The following ARL10 variants were observed in gnomAD, a reference collection of about 807,000 sequenced individuals.
ARL10 encodes the protein ARF like GTPase 10.
ARL10 carries 23 observed loss-of-function variants against 26.1 expected under a neutral mutation model. The ratio of observed to expected loss-of-function variants is 0.88; its 90% CI spans 0.63 to 1.25. The LOEUF (loss-of-function observed/expected upper bound fraction) is 1.25. ARL10 is among the 50% of genes most tolerant of loss of function. ARL10 has a pLI of 0.00. For missense variants in ARL10, 300 were observed against 323.6 expected (o/e 0.93, Z 0.56); for synonymous variants, 138 against 149.1 (o/e 0.93, Z 0.54).
Position 176,368,634 on chromosome 5 carries a change from G to A in ARL10, c.386-173G>A. Among the ~76,000 whole-genome samples the A allele has an allele frequency of 6.6e-6, 1 of 151,496 alleles. No individual in the cohort carries two copies. The highest frequency in any genetic ancestry group is 2.0e-4 in the East Asian group (1 of 5,112). On this transcript the variant is annotated intron_variant, in intron 2 of 3. Transcript: ENST00000310389. This position sits in a 1 kb window ranked among gnomAD's most constrained non-coding sequence, Gnocchi z 4.1. ...GCGGTCTTTTCCTTGCCCCCGGCTGGTGGAAGCTCACTAAGCTAGAAGCAG... is the reference window on the plus strand; with the variant it reads ...GCGGTCTTTTCCTTGCCCCCGGCTGATGGAAGCTCACTAAGCTAGAAGCAG...
In ARL10 at chr5:176,393,968, C is replaced by T. The variant is rs1030445062; in HGVS notation, c.134-7773C>T. 1.3e-5 allele frequency among the ~76,000 whole-genome samples: 2 copies of T among 152,218 alleles called. No individual in the cohort carries two copies. The highest frequency in any genetic ancestry group is 2.9e-5 in the Non-Finnish European group (2 of 68,042). On this transcript the variant is annotated intron_variant, in intron 1 of 1. Transcript: ENST00000514533. The surrounding 1 kb of genome is among the most constrained non-coding windows in gnomAD (Gnocchi z 4.4). ...CCAGTTCTGCCGATGCCAGACATGA[C>T]TGATGGCAGGAGCGCTCCATGGAAG...
downstream of ARL10, chr5:176,384,266 C>G: frequency 6.2e-7 from 1 of 1,614,196 alleles, no homozygotes; most frequent in Non-Finnish European, 8.5e-7. Context: ...TGCAAAGAAT[C>G]GAGGAAGTCT....
chr5:176,397,851 C>T, intron 1 of ARL10: 1 of 1,458,968 alleles, frequency 6.9e-7, no homozygotes, highest in Non-Finnish European at 9.6e-7. Flanking sequence ...CATGCAGCAT[C>T]CCATGCACTC....
downstream of ARL10, chr5:176,384,486 G>C: frequency 9.4e-7 from 1 of 1,064,770 alleles, no homozygotes; most frequent in Non-Finnish European, 1.4e-6. Context: ...CCAGAATCCT[G>C]ACCTCAAAGG....
At chr5:176,406,861 C>T (rs1757148641), downstream of ARL10, among the ~76,000 whole-genome samples, 1 of 152,308 alleles carries the variant, frequency 6.6e-6, no homozygotes, top group East Asian at 1.9e-4. Flanking sequence ...CCACCTGTGA[C>T]CCAGGCGCTG....
chr5:176,386,566 G>C, downstream of ARL10: 1 of 508,816 alleles, frequency 2.0e-6, no homozygotes, highest in South Asian at 2.0e-5. Context: ...CCATGCCAGA[G>C]ATTTACTGGT....
At chr5:176,401,624 T>C (rs534349080) in intron 1 of ARL10, 45 of 425,198 alleles carry the variant, frequency 1.1e-4, no homozygotes, top group African/African-American at 9.1e-4. Flanking sequence ...CCTCAGCCTT[T>C]AGGTCTATCA....
intron 1 of ARL10, chr5:176,388,114 G>A (rs1756032076): frequency 2.9e-6 from 2 of 698,476 alleles, no homozygotes; most frequent in Middle Eastern, 2.5e-4. Context: ...TGACTGTGGG[G>A]AGGTCGAAAA....
intron 1 of ARL10, chr5:176,397,972 G>T: frequency 6.2e-7 from 1 of 1,614,040 alleles, no homozygotes; most frequent in Non-Finnish European, 8.5e-7. Flanking sequence ...CGCCACTTGC[G>T]GATGCTCTCA....
chr5:176,398,477 C>T (rs557761252), intron 1 of ARL10, among the ~76,000 whole-genome samples: 33 of 152,128 alleles, frequency 2.2e-4, no homozygotes, highest in African/African-American at 6.7e-4. Context: ...TTTGGGAGGC[C>T]GAGGCGGCAA....
chr5:176,401,073 CAG>C (rs773198052), intron 1 of ARL10, among the ~76,000 whole-genome samples: 14 of 152,352 alleles, frequency 9.2e-5, no homozygotes, highest in Non-Finnish European at 1.5e-4. Flanking sequence ...CATTGCAATT[CAG>C]AGACTCTCTC....
downstream of ARL10, chr5:176,385,034 C>T: frequency 3.4e-6 from 2 of 594,742 alleles, no homozygotes; most frequent in Non-Finnish European, 6.0e-6. Context: ...ACCAAGGTCA[C>T]TCAGTCTATC....
downstream of ARL10, chr5:176,386,841 A>G (rs1269661755): frequency 1.2e-6 from 2 of 1,613,628 alleles, no homozygotes; most frequent in African/African-American, 2.7e-5. Context: ...CACACCCACC[A>G]TTCAGCACAT....
At chr5:176,385,678 C>T (rs1243270909), downstream of ARL10, among the ~76,000 whole-genome samples, 1 of 152,232 alleles carries the variant, frequency 6.6e-6, no homozygotes, top group Non-Finnish European at 1.5e-5. Context: ...GCCCACAGGA[C>T]AGGGCTCCCT....
downstream of ARL10, chr5:176,401,972 C>T (rs906916195): frequency 4.5e-5 from 15 of 334,850 alleles, no homozygotes; most frequent in Non-Finnish European, 7.7e-5. Flanking sequence ...ATGACCTATT[C>T]GGAGTCTAAA....
downstream of ARL10, among the ~76,000 whole-genome samples, chr5:176,383,480 CAG>C (rs1185307269): frequency 6.6e-6 from 1 of 152,244 alleles, no homozygotes; most frequent in African/African-American, 2.4e-5. Flanking sequence ...TGGCACACAA[CAG>C]AGTGGGATTC....
At chr5:176,401,717 T>C (rs1009796909) in intron 1 of ARL10, 8 of 456,174 alleles carry the variant, frequency 1.8e-5, no homozygotes, top group Non-Finnish European at 3.1e-5. Flanking sequence ...AAACCTCCTT[T>C]GCTTTCTTGG....
At chr5:176,406,283 G>A (rs987503927), downstream of ARL10, 7 of 1,054,260 alleles carry the variant, frequency 6.6e-6, no homozygotes, top group Non-Finnish European at 8.0e-6. Flanking sequence ...GGAATGGCCA[G>A]GACCAGAAGG....
chr5:176,371,496 G>A (rs1201826056), intron 3 of ARL10, among the ~76,000 whole-genome samples: 1 of 144,888 alleles, frequency 6.9e-6, no homozygotes, highest in Non-Finnish European at 1.5e-5. Context: ...TGGGAACTTG[G>A]GGCCTGATAT....
Sources: allele counts gnomAD v4.1 joint callset (sites outside exome capture counted in the v4.1 genomes callset), GRCh38; gene constraint gnomAD v4.1.1; non-coding constraint Gnocchi (gnomAD v3.1); transcripts MANE v1.5; gene names NCBI Gene and HGNC (gene_info 2026-07-23, HGNC 2026-07-21).